JAZF1: variants seen among roughly 807,000 people sequenced by gnomAD.
JAZF1 encodes juxtaposed with another zinc finger protein 1.
A neutral mutation model predicts 26.4 loss-of-function variants in JAZF1; 8 were observed. The ratio of observed to expected loss-of-function variants is 0.30; its 90% CI spans 0.18 to 0.55. The LOEUF is 0.55. JAZF1 is among the 20% of genes least tolerant of loss of function. The pLI is 0.94. For synonymous variants in JAZF1, 126 were observed against 122.3 expected (o/e 1.03, Z -0.20); for missense variants, 199 against 322.0 (o/e 0.62, Z 2.92).
chr7:27,849,758 C>G (rs13242135), intron 3 of JAZF1, among the ~76,000 whole-genome samples: 5 of 80,740 alleles, frequency 6.2e-5, no homozygotes, highest in African/African-American at 2.7e-4. Flanking sequence ...CACAGACACA[C>G]ACACACACAC....
At chr7:28,014,795 A>C (rs187228734) in intron 1 of JAZF1, among the ~76,000 whole-genome samples, 11 of 152,346 alleles carry the variant, frequency 7.2e-5, no homozygotes, top group Middle Eastern at 3.4e-3. Flanking sequence ...GTTGTGAGAC[A>C]GTCTTCAAGG....
intron 1 of JAZF1, among the ~76,000 whole-genome samples, chr7:28,074,307 C>T (rs1784020468): frequency 1.3e-5 from 2 of 152,094 alleles, no homozygotes; most frequent in Non-Finnish European, 2.9e-5. Context: ...AGGAATAATT[C>T]CAAAGTTTGA....
intron 1 of JAZF1, among the ~76,000 whole-genome samples, chr7:28,119,908 T>C (rs1319230512): frequency 6.6e-6 from 1 of 152,244 alleles, no homozygotes; most frequent in Non-Finnish European, 1.5e-5. Context: ...TACATATATC[T>C]GTATCAACAG....
Position 28,115,387 on chromosome 7 carries a change from C to A in JAZF1, c.115+65076G>T, listed in dbSNP as rs1463609364. ...TTCATACTAAGTCTTCTAAATCAGG[C>A]ACAGTGCAGCACATCTCAATTTAGA... is the stretch of plus-strand genomic sequence containing the variant. On this transcript the variant is annotated intron_variant, in intron 1 of 4. Coordinates refer to ENST00000283928, the MANE Select transcript of JAZF1 (RefSeq NM_175061.4). Among the ~76,000 whole-genome samples the A allele has an allele frequency of 1.3e-5, 2 of 152,114 alleles. 1 individual carries two copies. Among genetic ancestry groups the A allele is most frequent in the Middle Eastern group, 6.3e-3 (2 of 316 alleles).
intron 1 of JAZF1, among the ~76,000 whole-genome samples, chr7:28,052,172 G>GT (rs1783628215): frequency 6.6e-6 from 1 of 152,288 alleles, no homozygotes; most frequent in Non-Finnish European, 1.5e-5. Context: ...GTCACACATT[G>GT]TAAATAACCT....
intron 1 of JAZF1, among the ~76,000 whole-genome samples, chr7:28,121,188 A>AAAAAAAG (rs1782598092): frequency 6.6e-6 from 1 of 151,470 alleles, no homozygotes; most frequent in Non-Finnish European, 1.5e-5. Context: ...ACTGTCTCGA[A>AAAAAAAG]AAAAAAAGAA....
At chr7:28,002,182 C>G (rs1782609336) in intron 1 of JAZF1, among the ~76,000 whole-genome samples, 1 of 152,222 alleles carries the variant, frequency 6.6e-6, no homozygotes, top group South Asian at 2.1e-4. Flanking sequence ...TAAAAACTTG[C>G]TTATCATATA....
At chr7:27,881,459 T>C (rs1466173095) in intron 3 of JAZF1, among the ~76,000 whole-genome samples, 1 of 152,238 alleles carries the variant, frequency 6.6e-6, no homozygotes. Flanking sequence ...AAAGAATGCT[T>C]CCTTTTAATG....
intron 2 of JAZF1, among the ~76,000 whole-genome samples, chr7:27,924,149 G>A (rs920574638): frequency 2.6e-5 from 4 of 152,110 alleles, no homozygotes; most frequent in African/African-American, 9.7e-5. Context: ...CGCCATCTCG[G>A]CTCACTACAA....
intron 1 of JAZF1, among the ~76,000 whole-genome samples, chr7:28,147,801 AG>A (rs1483928385): frequency 6.6e-6 from 1 of 151,934 alleles, no homozygotes; most frequent in Non-Finnish European, 1.5e-5. Context: ...GAGGGGGGAC[AG>A]GGAGGCTGAG....
intron 2 of JAZF1, among the ~76,000 whole-genome samples, chr7:27,913,207 T>G (rs1344209695): frequency 6.6e-6 from 1 of 150,630 alleles, no homozygotes; most frequent in East Asian, 1.9e-4. Context: ...TAAAAAAAAA[T>G]TTATATACAT....
At chr7:28,113,540 A>C (rs1162627028) in intron 1 of JAZF1, among the ~76,000 whole-genome samples, 1 of 152,326 alleles carries the variant, frequency 6.6e-6, no homozygotes, top group East Asian at 1.9e-4. Context: ...ATCTGTATTC[A>C]TATCGGAGCT....
intron 2 of JAZF1, among the ~76,000 whole-genome samples, chr7:27,947,206 G>C (rs895983691): frequency 3.9e-5 from 6 of 152,194 alleles, no homozygotes; most frequent in African/African-American, 1.4e-4. Context: ...GTCGTCAAGA[G>C]TCTACGTTTT....
intron 1 of JAZF1, among the ~76,000 whole-genome samples, chr7:28,147,711 T>A (rs1783049650): frequency 6.7e-6 from 1 of 148,214 alleles, no homozygotes; most frequent in African/African-American, 2.5e-5. Context: ...TATATACATA[T>A]ATATATACAC....
At chr7:27,990,144 T>A (rs1785869685) in intron 2 of JAZF1, among the ~76,000 whole-genome samples, 1 of 152,204 alleles carries the variant, frequency 6.6e-6, no homozygotes, top group Non-Finnish European at 1.5e-5. Context: ...GAGACATGGA[T>A]GAAGCTGGAA....
intron 1 of JAZF1, among the ~76,000 whole-genome samples, chr7:28,147,330 C>T (rs1188704703): frequency 6.6e-6 from 1 of 152,054 alleles, no homozygotes; most frequent in Admixed American, 6.6e-5. Flanking sequence ...CTGGGATGCT[C>T]AACCTGCACT....
chr7:27,838,211 T>G (rs2128330788), intron 4 of JAZF1, among the ~76,000 whole-genome samples: 1 of 152,278 alleles, frequency 6.6e-6, no homozygotes, highest in East Asian at 1.9e-4. Flanking sequence ...TTTTCTCTTG[T>G]TAATCTCTCT....
chr7:28,135,202 G>A (rs1782861889), intron 1 of JAZF1, among the ~76,000 whole-genome samples: 1 of 152,162 alleles, frequency 6.6e-6, no homozygotes, highest in African/African-American at 2.4e-5. Context: ...ACTTAAATGT[G>A]AACATGTAAA....
At chr7:28,017,438 G>A (rs889858028) in intron 1 of JAZF1, among the ~76,000 whole-genome samples, 3 of 151,920 alleles carry the variant, frequency 2.0e-5, no homozygotes, top group African/African-American at 7.3e-5. Flanking sequence ...AAACAATAAG[G>A]GCTGTTTTCG....
Sources: allele counts gnomAD v4.1 joint callset (sites outside exome capture counted in the v4.1 genomes callset), GRCh38; gene constraint gnomAD v4.1.1; transcripts MANE v1.5; gene names NCBI Gene and HGNC (gene_info 2026-07-23, HGNC 2026-07-21).